Variants in CLPTM1L observed in about 807,000 individuals in gnomAD.
The protein encoded by CLPTM1L is CLPTM1 like.
In CLPTM1L, 38 loss-of-function variants were observed where a neutral mutation model predicts 70.9. The ratio of observed to expected loss-of-function variants is 0.54; its 90% CI spans 0.41 to 0.70. The LOEUF (loss-of-function observed/expected upper bound fraction) is 0.70, where lower values mean the gene tolerates loss of function less well. Among genes scored for constraint, CLPTM1L ranks in the 30% least tolerant of loss-of-function variants. The pLI, the probability that CLPTM1L is intolerant of heterozygous loss-of-function variation, is 0.00. For synonymous variants in CLPTM1L, 339 were observed against 299.9 expected, an observed-to-expected ratio of 1.13 and a Z score of -1.35; for missense variants, 652 against 705.9, an observed-to-expected ratio of 0.92 and a Z score of 0.87.
intron 13 of CLPTM1L, 147 bp downstream of exon 13, chr5:1,322,730 G>C: frequency 1.2e-6 from 1 of 801,066 alleles, no homozygotes; most frequent in Non-Finnish European, 2.2e-6. Context: ...GGGGAGCCCT[G>C]GGCACCGCAC....
intron 8 of CLPTM1L, 196 bp from the exon 9 acceptor site, chr5:1,330,579 T>C: frequency 1.7e-6 from 1 of 575,218 alleles, no homozygotes; most frequent in Middle Eastern, 4.6e-4. Flanking sequence ...GGAAGGCTGC[T>C]GAACTGAACA....
chr5:1,336,809 T>C (rs957727524), intron 5 of CLPTM1L, among the ~76,000 whole-genome samples: 2 of 152,052 alleles, frequency 1.3e-5, no homozygotes, highest in African/African-American at 4.8e-5. Context: ...AAGGAGGCAG[T>C]ATGTTAGGGA....
chr5:1,344,305 T>C (rs1280476049), intron 2 of CLPTM1L, 46 bp downstream of exon 2: 2 of 1,240,704 alleles, frequency 1.6e-6, no homozygotes, highest in South Asian at 1.2e-5. Flanking sequence ...AATCTGAACA[T>C]GAGTAATGTT....
chr5:1,321,752 A>C lies in CLPTM1L; in HGVS notation c.1371+12T>G. 1 of 1,613,942 alleles carries C rather than the reference A, an allele frequency of 6.2e-7. No homozygotes were observed. Among genetic ancestry groups the C allele is most frequent in the Non-Finnish European group, 8.5e-7 (1 of 1,179,928 alleles). On this transcript the variant is annotated intron_variant, in intron 14 of 16. Coordinates refer to ENST00000320895, the MANE Select transcript of CLPTM1L (RefSeq NM_030782.5). ...ACGGGGGCCGGGCCGCGGGCAGCACACACCGCCTTACCTTGTAGTTCACAA... is the reference window on the plus strand; with the variant it reads ...ACGGGGGCCGGGCCGCGGGCAGCACCCACCGCCTTACCTTGTAGTTCACAA...
intron 15 of CLPTM1L, 99 bp downstream of exon 15, chr5:1,321,536 T>C: frequency 1.9e-6 from 2 of 1,068,852 alleles, no homozygotes; most frequent in African/African-American, 3.1e-5. Flanking sequence ...GCAGATGCAC[T>C]CTGGGCAGAG....
chr5:1,344,024 C>T (rs1362513553), intron 2 of CLPTM1L, among the ~76,000 whole-genome samples: 10 of 152,222 alleles, frequency 6.6e-5, no homozygotes, highest in Admixed American at 6.5e-4. Flanking sequence ...AGTTGGTCCC[C>T]GGTAGTGAAA....
chr5:1,337,772 T>A (rs1753668734), intron 5 of CLPTM1L, 132 bp downstream of exon 5: 14 of 766,688 alleles, frequency 1.8e-5, no homozygotes, highest in Non-Finnish European at 2.6e-5. Flanking sequence ...AGGCAGTGCT[T>A]CCCAGCACGG....
intron 5 of CLPTM1L, 78 bp from the exon 6 acceptor site, chr5:1,335,252 C>A: frequency 8.7e-7 from 1 of 1,150,530 alleles, no homozygotes; most frequent in Non-Finnish European, 1.3e-6. Flanking sequence ...GCCAACCCTG[C>A]CATCCCCCTT....
intron 5 of CLPTM1L, among the ~76,000 whole-genome samples, chr5:1,336,238 G>A (rs1283089188): frequency 6.6e-6 from 1 of 152,244 alleles, no homozygotes; most frequent in African/African-American, 2.4e-5. Context: ...CCGACTTCCT[G>A]CACCTGCTGC....
intron 4 of CLPTM1L, among the ~76,000 whole-genome samples, chr5:1,338,503 T>C (rs1753727833): frequency 6.6e-6 from 1 of 152,228 alleles, no homozygotes; most frequent in African/African-American, 2.4e-5. Context: ...TGGCAAGTGA[T>C]ACTAAATAAT....
rs138398920 is a variant in CLPTM1L, at chr5:1,340,099, C to T, written c.454-1094G>A. Among the ~76,000 whole-genome samples, 883 of 152,368 alleles carry T rather than the reference C, an allele frequency of 5.8e-3. 9 individuals carry two copies. The highest frequency in any genetic ancestry group is 0.011 in the African/African-American group (477 of 41,588). ...AAACAGCCCCCCATCCTTATCTCCA[C>T]GGAAGCCAGGGGGTGCTGCTTTGCA... is the stretch of plus-strand genomic sequence containing the variant. On this transcript the variant is annotated intron_variant, in intron 3 of 16. Coordinates refer to ENST00000320895, the MANE Select transcript of CLPTM1L (RefSeq NM_030782.5).
intron 4 of CLPTM1L, 173 bp from the exon 5 acceptor site, chr5:1,338,155 T>G (rs1422392929): frequency 1.6e-6 from 1 of 632,022 alleles, no homozygotes; most frequent in Non-Finnish European, 2.9e-6. Context: ...GCAGAGAGCC[T>G]GACAACATAT....
Position 1,318,984 on chromosome 5 carries a change from A to C in CLPTM1L, c.1533-531T>G, listed in dbSNP as rs1751993486. Among the ~76,000 whole-genome samples the C allele has an allele frequency of 6.6e-6, 1 of 152,210 alleles. No homozygotes were observed. Reference sequence around the variant, plus strand: ...AACAGAAGTACAGGGTTTCAGCTTAAAAACAGACCTGCTGCCCACCAAGGG... The same window carrying C: ...AACAGAAGTACAGGGTTTCAGCTTACAAACAGACCTGCTGCCCACCAAGGG... On this transcript the variant is annotated intron_variant, in intron 16 of 16. Transcript: ENST00000320895. This position sits in a 1 kb window ranked among gnomAD's most constrained non-coding sequence, Gnocchi z 8.9.
Position 1,320,748 on chromosome 5 carries a change from G to A in CLPTM1L, c.1417-17C>T, listed in dbSNP as rs1166556912. ...GTTGAAAGCCTGCAGGGCCAGACGG[G>A]AGGAGGGTGAACCCCAGTTGCTGGG... is the stretch of plus-strand genomic sequence containing the variant. On this transcript the variant is annotated splice_polypyrimidine_tract_variant and intron_variant, in intron 15 of 16. Transcript: ENST00000320895. 7 of 1,445,680 alleles carry A rather than the reference G, an allele frequency of 4.8e-6. No individual in the cohort carries two copies. The Admixed American group carries it at 6.2e-5, about 13-fold the overall frequency. The allele number at this position is 1,445,680 out of a possible 1,614,324, so 89.6% of individuals were successfully genotyped here.
intron 7 of CLPTM1L, among the ~76,000 whole-genome samples, chr5:1,333,027 A>G (rs1477199595): frequency 7.4e-6 from 1 of 134,282 alleles, no homozygotes; most frequent in Non-Finnish European, 1.6e-5. Context: ...GACACACCGG[A>G]TAAGGGGGGA....
intron 11 of CLPTM1L, 160 bp from the exon 12 acceptor site, chr5:1,324,029 G>A (rs1431744487): frequency 6.4e-6 from 4 of 628,224 alleles, no homozygotes; most frequent in Non-Finnish European, 1.1e-5. Context: ...CACAGGCAGG[G>A]CATCGCACAC....
chr5:1,319,021 T>C (rs1025764342), intron 16 of CLPTM1L, among the ~76,000 whole-genome samples: 1 of 152,202 alleles, frequency 6.6e-6, no homozygotes, highest in African/African-American at 2.4e-5. Context: ...CCTGTGATCC[T>C]GGCCAAACAC....
At chr5:1,340,300 C>T (rs952667380) in intron 3 of CLPTM1L, among the ~76,000 whole-genome samples, 19 of 152,188 alleles carry the variant, frequency 1.2e-4, no homozygotes, top group African/African-American at 4.6e-4. Context: ...CTTCTAAAAC[C>T]AAGCATGTGG....
At chr5:1,323,891 T>G (rs1411231773) in intron 11 of CLPTM1L, 22 bp from the exon 12 acceptor site, 1 of 1,592,296 alleles carries the variant, frequency 6.3e-7, no homozygotes, top group Non-Finnish European at 8.6e-7. Context: ...AAAGATGGCT[T>G]CCAGTTAGAG....
Sources: gnomAD v4.1 joint callset for allele counts (sites outside exome capture counted in the v4.1 genomes callset) on GRCh38, gnomAD v4.1.1 for gene constraint, Gnocchi (gnomAD v3.1) non-coding constraint, MANE v1.5 for transcripts, NCBI Gene and HGNC (gene_info 2026-07-23, HGNC 2026-07-21) for gene names.